The following C12orf56 variants were observed in gnomAD, a reference collection of about 807,000 sequenced individuals.
C12orf56 encodes chromosome 12 open reading frame 56.
Under a neutral mutation model 69.9 loss-of-function variants are expected in C12orf56, and 71 were observed. That is an observed-to-expected ratio of 1.02 (90% confidence interval 0.84 to 1.24). The LOEUF (loss-of-function observed/expected upper bound fraction) is 1.24. Ranked by LOEUF, C12orf56 falls within the 50% of genes most tolerant of loss-of-function variation. The pLI is 0.00. For missense variants in C12orf56, 732 were observed against 738.5 expected, an observed-to-expected ratio of 0.99 and a Z score of 0.10; for synonymous variants, 276 against 274.1, an observed-to-expected ratio of 1.01 and a Z score of -0.07.
At chr12:64,283,748 G>C (rs1197856843) in intron 8 of C12orf56, among the ~76,000 whole-genome samples, 3 of 151,404 alleles carry the variant, frequency 2.0e-5, no homozygotes, top group Non-Finnish European at 4.4e-5. Context: ...TACACTATAA[G>C]GACAAAGACA....
chr12:64,307,675 A>T (rs1425783970), intron 5 of C12orf56, among the ~76,000 whole-genome samples: 1 of 152,052 alleles, frequency 6.6e-6, no homozygotes, highest in African/African-American at 2.4e-5. Flanking sequence ...GGCCAGACTC[A>T]GACCATTTTC....
intron 6 of C12orf56, among the ~76,000 whole-genome samples, chr12:64,295,979 T>C (rs548148499): frequency 4.6e-5 from 7 of 152,104 alleles, no homozygotes; most frequent in Non-Finnish European, 7.4e-5. Flanking sequence ...AAATTAGGAG[T>C]ACCTAGAGAA....
At chr12:64,381,172 G>A (rs1297999823) in intron 1 of C12orf56, among the ~76,000 whole-genome samples, 3 of 152,014 alleles carry the variant, frequency 2.0e-5, no homozygotes, top group Admixed American at 6.6e-5. Context: ...GGTTGGGTCA[G>A]AGATGAAATC....
At chr12:64,387,767 G>C (rs542076367) in intron 1 of C12orf56, among the ~76,000 whole-genome samples, 3 of 151,870 alleles carry the variant, frequency 2.0e-5, no homozygotes, top group South Asian at 4.2e-4. Context: ...AACTGAGATC[G>C]GGCCACTGCA....
At chr12:64,354,704 T>C (rs928432455) in intron 1 of C12orf56, among the ~76,000 whole-genome samples, 13 of 149,610 alleles carry the variant, frequency 8.7e-5, no homozygotes, top group African/African-American at 2.9e-4. Flanking sequence ...GGACCTCAGG[T>C]GATCCATCCG....
intron 4 of C12orf56, among the ~76,000 whole-genome samples, chr12:64,315,215 C>G (rs924542766): frequency 2.0e-5 from 3 of 151,736 alleles, no homozygotes; most frequent in Non-Finnish European, 2.9e-5. Context: ...GCCACCCAAC[C>G]TGTCTTGTGC....
intron 3 of C12orf56, among the ~76,000 whole-genome samples, chr12:64,323,565 C>CTTTTTTTTTTTTTT (rs375927934): frequency 4.6e-5 from 6 of 130,848 alleles, no homozygotes; most frequent in East Asian, 2.1e-4. Flanking sequence ...CAAACATTTC[C>CTTTTTTTTTTTTTT]TTTTTTTTTT....
chr12:64,280,915 T>C (rs1429521352), intron 8 of C12orf56, among the ~76,000 whole-genome samples: 1 of 152,186 alleles, frequency 6.6e-6, no homozygotes, highest in African/African-American at 2.4e-5. Context: ...CACTGTGAGA[T>C]AAGAAATACA....
intron 2 of C12orf56, among the ~76,000 whole-genome samples, chr12:64,348,276 T>TG: frequency 1.3e-5 from 2 of 152,106 alleles, no homozygotes; most frequent in Non-Finnish European, 2.9e-5. Flanking sequence ...AGACTCCATA[T>TG]GAAAAAAAAG....
rs537734448 is a variant in C12orf56 at position 64,353,943 on chromosome 12, A to G, written c.253-887T>C. Among the ~76,000 whole-genome samples, 144 of 152,292 alleles carry G rather than the reference A, an allele frequency of 9.5e-4. 1 individual carries two copies. The highest frequency in any genetic ancestry group is 3.2e-3 in the African/African-American group (132 of 41,562). ...TGATCCACCTGCCTCGGCCTCCCAAAGTGCTGGGATTATAGGCGTGAGCCA... is the reference window on the plus strand; with the variant it reads ...TGATCCACCTGCCTCGGCCTCCCAAGGTGCTGGGATTATAGGCGTGAGCCA... On this transcript the variant is annotated intron_variant, in intron 1 of 12. Transcript: ENST00000543942.
chr12:64,388,514 A>G (rs1172165318), intron 1 of C12orf56, among the ~76,000 whole-genome samples: 3 of 152,202 alleles, frequency 2.0e-5, no homozygotes, highest in Non-Finnish European at 4.4e-5. Flanking sequence ...AAATGCTGGG[A>G]TTACAGGCAT....
chr12:64,350,442 G>A (rs903819554), intron 2 of C12orf56, among the ~76,000 whole-genome samples: 2 of 152,186 alleles, frequency 1.3e-5, no homozygotes, highest in African/African-American at 4.8e-5. Flanking sequence ...TTTGCAATAG[G>A]ATGCAACTGG....
intron 7 of C12orf56, among the ~76,000 whole-genome samples, chr12:64,285,580 G>C (rs532456458): frequency 1.3e-5 from 2 of 152,278 alleles, no homozygotes; most frequent in Non-Finnish European, 2.9e-5. Context: ...CTGAGGTCAG[G>C]AGTTCGAGAC....
intron 6 of C12orf56, chr12:64,293,146 C>T (rs1242330198): frequency 6.6e-6 from 1 of 152,324 alleles, no homozygotes; most frequent in East Asian, 1.9e-4. Flanking sequence ...TTCTTTGACT[C>T]GGAAAGGGAA....
At position 64,277,731 on chromosome 12, in the gene C12orf56, A is replaced by G; in HGVS notation, c.1383T>C (p.Asp461=). 6.2e-7 allele frequency: 1 copy of G among 1,602,636 alleles called. No homozygotes were observed. Among genetic ancestry groups the G allele is most frequent in the East Asian group, 2.2e-5 (1 of 44,626 alleles). Residue 461 remains aspartate (D), a synonymous_variant, in exon 9 of 13, where the codon GAT becomes GAC. Transcript: ENST00000543942. The stretch of plus-strand genomic sequence containing the variant: ...AAGCTGAATCAGCCACCAACTGGAT[A>G]TCAAACACAGGACAAGATTTTGGAA... ...PQIPKSCPVF[D]IQLVADSALV...
rs1270362255 is a variant in C12orf56 at position 64,390,533 on chromosome 12, C to A, written c.33G>T (p.Ala11=). 3 of 1,595,410 alleles carry A rather than the reference C, an allele frequency of 1.9e-6. No homozygotes were observed. Among genetic ancestry groups the A allele is most frequent in the Middle Eastern group, 1.7e-4 (1 of 5,980 alleles). Residue 11 remains alanine, a synonymous_variant, in exon 1 of 13, where the codon GCG becomes GCT. Coordinates refer to ENST00000543942, the MANE Select transcript of C12orf56 (RefSeq NM_001170633.2). MASPLPSGFP[A]RRNSRLDVFL... The stretch of plus-strand genomic sequence containing the variant: ...ACACATCCAGGCGGCTGTTCCTGCG[C>A]GCGGGGAAGCCGGACGGCAAGGGGC...
chr12:64,308,326 AATACATAC>A (rs530877082), intron 5 of C12orf56, among the ~76,000 whole-genome samples: 18 of 152,278 alleles, frequency 1.2e-4, no homozygotes, highest in African/African-American at 4.3e-4. Context: ...TGTATCAATA[AATACATAC>A]ATACATACAT....
chr12:64,275,246 G>A, intron 10 of C12orf56, 52 bp downstream of exon 10: 2 of 854,354 alleles, frequency 2.3e-6, no homozygotes, highest in Non-Finnish European at 3.6e-6. Context: ...TAATAGTCAT[G>A]TAATTTATAG....
chr12:64,292,883 G>C (rs1283424677), intron 6 of C12orf56, among the ~76,000 whole-genome samples: 8 of 132,714 alleles, frequency 6.0e-5, no homozygotes, highest in African/African-American at 2.2e-4. Flanking sequence ...GCTCCACCCA[G>C]TTGGAGCTTC....
Sources: allele counts gnomAD v4.1 joint callset (sites outside exome capture counted in the v4.1 genomes callset), GRCh38; gene constraint gnomAD v4.1.1; transcripts MANE v1.5; gene names NCBI Gene and HGNC (gene_info 2026-07-23, HGNC 2026-07-21).